SLC13A3: variants seen among roughly 807,000 people sequenced by gnomAD.
The protein encoded by SLC13A3 is solute carrier family 13 member 3.
Under a neutral mutation model 59.0 loss-of-function variants are expected in SLC13A3, and 40 were observed. The observed-to-expected ratio is 0.68, with a 90% CI of 0.53 to 0.88. The LOEUF is 0.88. Ranked by LOEUF, SLC13A3 falls within the 40% of genes least tolerant of loss-of-function variation. The pLI, the probability that SLC13A3 is intolerant of heterozygous loss-of-function variation, is 0.00. For synonymous variants in SLC13A3, 317 were observed against 330.3 expected (o/e 0.96, Z 0.44); for missense variants, 699 against 783.2 (o/e 0.89, Z 1.28).
intron 12 of SLC13A3, among the ~76,000 whole-genome samples, chr20:46,563,129 C>A (rs1737300995): frequency 6.6e-6 from 1 of 152,180 alleles, no homozygotes; most frequent in South Asian, 2.1e-4. Context: ...CTTCTCTCCC[C>A]CGAAGATTCT....
chr20:46,578,492 A>G (rs1359631307), intron 9 of SLC13A3, among the ~76,000 whole-genome samples: 2 of 151,730 alleles, frequency 1.3e-5, no homozygotes, highest in African/African-American at 4.8e-5. Flanking sequence ...CCTGGCCAAC[A>G]TGGTGAAACC....
intron 1 of SLC13A3, among the ~76,000 whole-genome samples, chr20:46,631,389 C>G (rs1209658805): frequency 6.6e-6 from 1 of 152,216 alleles, no homozygotes; most frequent in East Asian, 1.9e-4. Context: ...AGGAAAGTGG[C>G]TTCCCTGAGG....
upstream of SLC13A3, among the ~76,000 whole-genome samples, chr20:46,652,327 G>A (rs1320771864): frequency 6.6e-6 from 1 of 152,196 alleles, no homozygotes; most frequent in African/African-American, 2.4e-5. Context: ...TTAGCGCAGT[G>A]TCTGGCAGAG....
intron 1 of SLC13A3, among the ~76,000 whole-genome samples, chr20:46,658,679 G>C (rs1028712752): frequency 6.6e-6 from 1 of 152,184 alleles, no homozygotes; most frequent in Non-Finnish European, 1.5e-5. Flanking sequence ...TTTTTTAAAA[G>C]TGATTGAGTA....
intron 1 of SLC13A3, among the ~76,000 whole-genome samples, chr20:46,665,298 T>G (rs968340743): frequency 4.0e-5 from 6 of 151,804 alleles, no homozygotes; most frequent in South Asian, 2.1e-4. Context: ...AATGTAATGA[T>G]TTTTCAGGAC....
At chr20:46,568,829 G>T (rs1312047042) in intron 10 of SLC13A3, among the ~76,000 whole-genome samples, 1 of 152,252 alleles carries the variant, frequency 6.6e-6, no homozygotes, top group East Asian at 1.9e-4. Flanking sequence ...GCCTCTGAGT[G>T]ACCGGGCTTC....
chr20:46,589,124 C>T, intron 7 of SLC13A3, 36 bp downstream of exon 7: 1 of 1,583,230 alleles, frequency 6.3e-7, no homozygotes, highest in Non-Finnish European at 8.7e-7. Flanking sequence ...GCGTTTAATA[C>T]TCAGCTCTTT....
intron 9 of SLC13A3, among the ~76,000 whole-genome samples, chr20:46,580,525 C>T (rs1006680989): frequency 6.0e-5 from 9 of 151,106 alleles, no homozygotes; most frequent in African/African-American, 1.7e-4. Flanking sequence ...ATAAGTGTTA[C>T]CTCCTTGTAG....
At chr20:46,614,913 G>A (rs1490870617) in intron 1 of SLC13A3, among the ~76,000 whole-genome samples, 1 of 152,170 alleles carries the variant, frequency 6.6e-6, no homozygotes, top group Non-Finnish European at 1.5e-5. Context: ...TATGTTGTGG[G>A]GGCATAGGTA....
intron 1 of SLC13A3, among the ~76,000 whole-genome samples, chr20:46,640,950 G>A (rs951194719): frequency 1.5e-4 from 23 of 152,262 alleles, no homozygotes; most frequent in African/African-American, 4.8e-4. Context: ...CAGGAGCTCC[G>A]GGAAAGTGGA....
At chr20:46,621,244 C>T (rs755065874) in intron 1 of SLC13A3, among the ~76,000 whole-genome samples, 1 of 151,548 alleles carries the variant, frequency 6.6e-6, no homozygotes, top group Non-Finnish European at 1.5e-5. Context: ...TTCCTCTCAT[C>T]AAACAAGGAC....
chr20:46,622,355 A>C (rs2062623858), intron 1 of SLC13A3, among the ~76,000 whole-genome samples: 1 of 152,174 alleles, frequency 6.6e-6, no homozygotes, highest in Non-Finnish European at 1.5e-5. Context: ...TAAGCTAGGG[A>C]CACCTAGGGG....
At chr20:46,674,748 A>G (rs893856092), upstream of SLC13A3, among the ~76,000 whole-genome samples, 4 of 152,056 alleles carry the variant, frequency 2.6e-5, no homozygotes, top group African/African-American at 4.8e-5. Flanking sequence ...CAAAATACCT[A>G]AGGAGCACCT....
chr20:46,610,699 C>T, intron 2 of SLC13A3, 90 bp from the exon 3 acceptor site: 1 of 1,102,228 alleles, frequency 9.1e-7, no homozygotes, highest in Admixed American at 2.5e-5. Context: ...GGAATACAAT[C>T]CATCCATTTT....
intron 1 of SLC13A3, among the ~76,000 whole-genome samples, chr20:46,677,289 A>G (rs1453889892): frequency 1.3e-5 from 2 of 152,216 alleles, no homozygotes; most frequent in Non-Finnish European, 2.9e-5. Context: ...ATGAAGTTTT[A>G]CAAACCCAAT....
chr20:46,679,973 C>T (rs1248640624), intron 1 of SLC13A3, among the ~76,000 whole-genome samples: 6 of 151,940 alleles, frequency 3.9e-5, no homozygotes, highest in African/African-American at 1.2e-4. Context: ...CTACCATTTA[C>T]AGGCTGATGA....
intron 1 of SLC13A3, among the ~76,000 whole-genome samples, chr20:46,645,509 A>T (rs1017268826): frequency 5.9e-5 from 9 of 152,198 alleles, no homozygotes; most frequent in Admixed American, 3.3e-4. Flanking sequence ...GCATCCCCAG[A>T]CAAGACACGC....
intron 7 of SLC13A3, 88 bp from the exon 8 acceptor site, chr20:46,588,251 G>T: frequency 1.3e-6 from 1 of 748,084 alleles, no homozygotes. Flanking sequence ...CCCACTGGGA[G>T]TGACTGGGCC....
At chr20:46,641,960 G>A (rs2062849406) in intron 1 of SLC13A3, among the ~76,000 whole-genome samples, 1 of 152,090 alleles carries the variant, frequency 6.6e-6, no homozygotes, top group Non-Finnish European at 1.5e-5. Context: ...AAGCCCCTAT[G>A]CCCCCAGACC....
Sources: allele counts gnomAD v4.1 joint callset (sites outside exome capture counted in the v4.1 genomes callset), GRCh38; gene constraint gnomAD v4.1.1; transcripts MANE v1.5; gene names NCBI Gene and HGNC (gene_info 2026-07-23, HGNC 2026-07-21).